RERE: variants seen among roughly 807,000 people sequenced by gnomAD.
RERE encodes the protein arginine-glutamic acid dipeptide repeats.
Under a neutral mutation model 146.1 loss-of-function variants are expected in RERE, and 40 were observed. That is an observed-to-expected ratio of 0.27 (90% CI 0.21 to 0.36). The LOEUF is 0.36. RERE is among the 10% of genes least tolerant of loss of function. The pLI is 1.00. For missense variants in RERE, 1,933 were observed against 2,138.7 expected (o/e 0.90, Z 1.90); for synonymous variants, 1,003 against 866.0 (o/e 1.16, Z -2.78).
At chr1:8,773,574 C>T (rs1640997385) in intron 1 of RERE, among the ~76,000 whole-genome samples, 2 of 152,116 alleles carry the variant, frequency 1.3e-5, no homozygotes, top group African/African-American at 4.8e-5. Flanking sequence ...GCCTGTAATC[C>T]CAGCACTTTG....
At chr1:8,723,275 C>G (rs1283254574) in intron 1 of RERE, among the ~76,000 whole-genome samples, 1 of 152,172 alleles carries the variant, frequency 6.6e-6, no homozygotes, top group East Asian at 1.9e-4. Flanking sequence ...ACAATTCAGT[C>G]TGAAAGGACT....
chr1:8,382,596 G>A (rs192253907), intron 12 of RERE, among the ~76,000 whole-genome samples: 1 of 152,270 alleles, frequency 6.6e-6, no homozygotes, highest in East Asian at 1.9e-4. Flanking sequence ...GAACATAACA[G>A]GTACCTTTCT....
intron 4 of RERE, among the ~76,000 whole-genome samples, chr1:8,607,528 A>ATTTTTTT (rs1557431314): frequency 1.3e-5 from 1 of 77,020 alleles, no homozygotes; most frequent in East Asian, 7.4e-4. Context: ...GTTTTTATAT[A>ATTTTTTT]TATTTCTTTT....
At chr1:8,604,599 AG>A (rs1207840749) in intron 4 of RERE, among the ~76,000 whole-genome samples, 20 of 75,176 alleles carry the variant, frequency 2.7e-4, no homozygotes, top group African/African-American at 1.1e-3. Flanking sequence ...GAAGGAAGGA[AG>A]GGAGGGAGGG....
chr1:8,434,454 A>G (rs1013166717), intron 11 of RERE, among the ~76,000 whole-genome samples: 1 of 152,202 alleles, frequency 6.6e-6, no homozygotes, highest in African/African-American at 2.4e-5. Context: ...CAAACCACAC[A>G]TACCCACAAA....
intron 2 of RERE, among the ~76,000 whole-genome samples, chr1:8,649,843 T>C (rs182684760): frequency 6.1e-4 from 93 of 152,220 alleles, no homozygotes; most frequent in Admixed American, 1.5e-3. Context: ...TTGCTGTTTT[T>C]TTGGAGAAGG....
intron 10 of RERE, among the ~76,000 whole-genome samples, chr1:8,485,222 G>GT (rs1363673333): frequency 6.6e-6 from 1 of 152,090 alleles, no homozygotes; most frequent in African/African-American, 2.4e-5. Context: ...TTCACTGGAC[G>GT]TGGTGCCGCA....
intron 7 of RERE, among the ~76,000 whole-genome samples, chr1:8,522,918 G>A (rs1570387506): frequency 6.6e-6 from 1 of 151,596 alleles, no homozygotes; most frequent in South Asian, 2.1e-4. Context: ...ACGCTGGCCT[G>A]TAATCCTGGC....
chr1:8,772,265 A>T (rs1640967660), intron 1 of RERE, among the ~76,000 whole-genome samples: 1 of 152,092 alleles, frequency 6.6e-6, no homozygotes, highest in East Asian at 1.9e-4. Flanking sequence ...CTGTCACTAC[A>T]CTGGACTGAA....
intron 2 of RERE, among the ~76,000 whole-genome samples, chr1:8,644,939 T>C (rs907856950): frequency 6.6e-6 from 1 of 152,246 alleles, no homozygotes; most frequent in Non-Finnish European, 1.5e-5. Context: ...ACAGGTTATT[T>C]GTTTTTTGTA....
chr1:8,733,317 C>T (rs1267058614), intron 1 of RERE, among the ~76,000 whole-genome samples: 1 of 152,190 alleles, frequency 6.6e-6, no homozygotes, highest in Non-Finnish European at 1.5e-5. Context: ...AACCACTGGG[C>T]TACGGCTCCT....
chr1:8,681,036 C>A (rs2124396014), intron 1 of RERE, among the ~76,000 whole-genome samples: 1 of 152,284 alleles, frequency 6.6e-6, no homozygotes, highest in Non-Finnish European at 1.5e-5. Flanking sequence ...GAATGGGAGT[C>A]AGAAAGCATG....
intron 1 of RERE, among the ~76,000 whole-genome samples, chr1:8,673,337 C>T (rs1466456496): frequency 6.6e-6 from 1 of 152,174 alleles, no homozygotes; most frequent in African/African-American, 2.4e-5. Flanking sequence ...CTCAGGTGAT[C>T]CACCTGCCTC....
At chr1:8,639,402 A>G (rs552156283) in intron 2 of RERE, among the ~76,000 whole-genome samples, 8 of 152,208 alleles carry the variant, frequency 5.3e-5, no homozygotes, top group Non-Finnish European at 7.3e-5. Context: ...ATGATGCCAA[A>G]TATCTATTTT....
At chr1:8,620,458 T>C (rs1056679174) in intron 3 of RERE, among the ~76,000 whole-genome samples, 2 of 152,252 alleles carry the variant, frequency 1.3e-5, no homozygotes, top group South Asian at 4.1e-4. Context: ...GTAATTCTTT[T>C]ATTTTTAATT....
chr1:8,592,292 G>A (rs564263667), intron 4 of RERE, among the ~76,000 whole-genome samples: 7 of 151,744 alleles, frequency 4.6e-5, no homozygotes, highest in African/African-American at 1.2e-4. Flanking sequence ...TAAAGACACC[G>A]TCTCTGTCTG....
At chr1:8,545,608 A>T (rs6577497) in intron 6 of RERE, among the ~76,000 whole-genome samples, 50,287 of 151,646 alleles carry the variant, frequency 0.33, 8,822 homozygotes, top group Non-Finnish European at 0.37. Context: ...GTTGAAAGCT[A>T]TTATTATCAT....
chr1:8,361,701 C>A, intron 17 of RERE, 62 bp downstream of exon 17: 1 of 1,478,414 alleles, frequency 6.8e-7, no homozygotes, highest in Non-Finnish European at 9.4e-7. Context: ...AGGGAGAACC[C>A]CGGCTGGGGG....
At chr1:8,392,672 CGTGGAGGCCCTCAA>C (rs1642923535) in intron 12 of RERE, among the ~76,000 whole-genome samples, 1 of 152,090 alleles carries the variant, frequency 6.6e-6, no homozygotes, top group Non-Finnish European at 1.5e-5. Flanking sequence ...CTATGAGGGA[CGTGGAGGCCCTCAA>C]GAGATATGGT....
Sources: allele counts gnomAD v4.1 joint callset (sites outside exome capture counted in the v4.1 genomes callset), GRCh38; gene constraint gnomAD v4.1.1; transcripts MANE v1.5; gene names NCBI Gene and HGNC (gene_info 2026-07-23, HGNC 2026-07-21).